Variants in UBAC2 observed in about 807,000 individuals in gnomAD.
UBAC2 encodes UBA domain containing 2, also known as ubiquitin-associated domain-containing protein 2.
A neutral mutation model predicts 44.0 loss-of-function variants in UBAC2; 26 were observed. The ratio of observed to expected loss-of-function variants is 0.59; its 90% CI spans 0.43 to 0.82. The LOEUF is 0.82. UBAC2 is among the 40% of genes least tolerant of loss of function. The pLI, the probability that UBAC2 is intolerant of heterozygous loss-of-function variation, is 0.00. For missense variants in UBAC2, 329 were observed against 419.4 expected (o/e 0.78, Z 1.88); for synonymous variants, 155 against 154.3 (o/e 1.00, Z -0.04).
intron 4 of UBAC2, among the ~76,000 whole-genome samples, chr13:99,306,224 A>G (rs899194415): frequency 3.9e-5 from 6 of 152,180 alleles, no homozygotes; most frequent in African/African-American, 1.4e-4. Context: ...TAAAATATCC[A>G]TAACATATCT....
chr13:99,263,940 T>G (rs2138649806), intron 4 of UBAC2, among the ~76,000 whole-genome samples: 1 of 152,288 alleles, frequency 6.6e-6, no homozygotes, highest in East Asian at 1.9e-4. Flanking sequence ...GCAGATGAAA[T>G]GAAAATACAG....
intron 8 of UBAC2, among the ~76,000 whole-genome samples, chr13:99,371,374 T>C (rs192085195): frequency 6.6e-6 from 1 of 152,346 alleles, no homozygotes; most frequent in Admixed American, 6.5e-5. Context: ...ATCCTGCAAA[T>C]AGCTGTTATA....
chr13:99,367,765 CTG>C lies in UBAC2; in HGVS notation c.808-16_808-15del, dbSNP rs1371430937. 3.1e-6 allele frequency: 5 copies of C among 1,613,788 alleles called. No homozygotes were observed. The highest frequency in any genetic ancestry group is 3.4e-6 in the Non-Finnish European group (4 of 1,179,850). On this transcript the variant is annotated intron_variant, in intron 7 of 8. Coordinates refer to ENST00000403766, the MANE Select transcript of UBAC2 (RefSeq NM_001144072.2). Reference sequence around the variant, plus strand: ...ATTCTGCTCCTTCTGTGTCTGATAACTGTGTGTTGATCTCTTTTTAGGGAGGA... The same window carrying C: ...ATTCTGCTCCTTCTGTGTCTGATAACTGTGTTGATCTCTTTTTAGGGAGGA...
At chr13:99,348,886 G>A (rs1017287046) in intron 7 of UBAC2, among the ~76,000 whole-genome samples, 2 of 152,182 alleles carry the variant, frequency 1.3e-5, no homozygotes, top group African/African-American at 4.8e-5. Context: ...GGTGGCCTGT[G>A]CCTGTAGTCC....
At position 99,280,326 on chromosome 13, in the gene UBAC2, C is replaced by A. The variant is rs572208338; in HGVS notation, c.390-33771C>A. 9.8e-5 allele frequency among the ~76,000 whole-genome samples: 15 copies of A among 152,330 alleles called. No individual in the cohort carries two copies. The South Asian group carries it at 3.1e-3, about 32-fold the overall frequency. On this transcript the variant is annotated intron_variant, in intron 4 of 8. Coordinates refer to ENST00000403766, the MANE Select transcript of UBAC2 (RefSeq NM_001144072.2). ...AGCTAAATTGCATTACTCACTACTG[C>A]CTGTCACGCATACATCATTACAGAT...
At chr13:99,286,984 G>A (rs1393545013) in intron 4 of UBAC2, among the ~76,000 whole-genome samples, 2 of 152,034 alleles carry the variant, frequency 1.3e-5, no homozygotes, top group Non-Finnish European at 2.9e-5. Context: ...AAGGGCATGT[G>A]TTAGAGAACA....
intron 4 of UBAC2, among the ~76,000 whole-genome samples, chr13:99,264,945 G>T (rs2043721136): frequency 6.7e-6 from 1 of 149,856 alleles, no homozygotes; most frequent in Admixed American, 6.7e-5. Context: ...GGTCACATTA[G>T]TTCCTGATCT....
intron 1 of UBAC2, among the ~76,000 whole-genome samples, chr13:99,229,186 T>C (rs1445800883): frequency 1.3e-5 from 2 of 152,144 alleles, no homozygotes; most frequent in Non-Finnish European, 2.9e-5. Flanking sequence ...CCCTGGCTGC[T>C]CATAGTAGTG....
chr13:99,255,430 A>G lies in UBAC2; in HGVS notation c.389+10806A>G, dbSNP rs997590727. On this transcript the variant is annotated intron_variant, in intron 4 of 8. Transcript: ENST00000403766. ...CAGAGGGGTGGTCGTGGTCAGGGTCATTATCCAGACTCCCACACACGCCAG... is the reference window on the plus strand; with the variant it reads ...CAGAGGGGTGGTCGTGGTCAGGGTCGTTATCCAGACTCCCACACACGCCAG... The G allele has an allele frequency of 6.2e-7, 1 of 1,614,058 alleles. No homozygotes were observed. The highest frequency in any genetic ancestry group is 8.5e-7 in the Non-Finnish European group (1 of 1,180,012).
In UBAC2 at chr13:99,355,743, A is replaced by G. The variant is rs377131740; in HGVS notation, c.808-12044A>G. Among the ~76,000 whole-genome samples the G allele has an allele frequency of 4.6e-5, 7 of 152,376 alleles. No homozygotes were observed. The East Asian group carries it at 5.8e-4, about 13-fold the overall frequency. ...GAGCCAGGACGCAGGCCTGTGGCTC[A>G]GCCCGCAGCGTGCTTGGTGCCACAA... On this transcript the variant is annotated intron_variant, in intron 7 of 8. Coordinates refer to ENST00000403766, the MANE Select transcript of UBAC2 (RefSeq NM_001144072.2).
intron 8 of UBAC2, among the ~76,000 whole-genome samples, chr13:99,382,122 A>T (rs776118847): frequency 1.4e-4 from 21 of 152,328 alleles, no homozygotes; most frequent in South Asian, 4.1e-4. Context: ...GACGTGTTTG[A>T]CATTTTCATC....
chr13:99,385,065 C>T (rs142983150), intron 8 of UBAC2, among the ~76,000 whole-genome samples, 163 bp from the exon 9 acceptor site: 7 of 152,284 alleles, frequency 4.6e-5, no homozygotes, highest in African/African-American at 1.7e-4. Context: ...AAAATTTGTA[C>T]CTGGTATAAC....
intron 1 of UBAC2, among the ~76,000 whole-genome samples, chr13:99,221,539 C>T (rs1473366547): frequency 6.6e-6 from 1 of 152,200 alleles, no homozygotes; most frequent in Non-Finnish European, 1.5e-5. Flanking sequence ...TACTCAGCCT[C>T]ACCTTTTATT....
At chr13:99,322,843 C>T (rs1003617740) in intron 6 of UBAC2, among the ~76,000 whole-genome samples, 1 of 152,158 alleles carries the variant, frequency 6.6e-6, no homozygotes, top group Non-Finnish European at 1.5e-5. Flanking sequence ...GATCATAGGA[C>T]AGGGGTAGGG....
chr13:99,288,504 T>C (rs2138701848), intron 4 of UBAC2, among the ~76,000 whole-genome samples: 1 of 152,352 alleles, frequency 6.6e-6, no homozygotes, highest in Admixed American at 6.5e-5. Context: ...AGCTTCTTCT[T>C]TCTAACAACT....
intron 1 of UBAC2, among the ~76,000 whole-genome samples, chr13:99,232,485 G>T (rs776541076): frequency 6.8e-6 from 1 of 147,492 alleles, no homozygotes; most frequent in Non-Finnish European, 1.5e-5. Flanking sequence ...CTTAAACTTC[G>T]CCCAGTGGGC....
intron 4 of UBAC2, among the ~76,000 whole-genome samples, chr13:99,263,802 A>G (rs1167004618): frequency 1.3e-5 from 2 of 152,236 alleles, no homozygotes; most frequent in Non-Finnish European, 2.9e-5. Context: ...GCAAGTCACA[A>G]TCACAATTGA....
intron 4 of UBAC2, among the ~76,000 whole-genome samples, chr13:99,305,125 A>C (rs2044313234): frequency 6.6e-6 from 1 of 152,180 alleles, no homozygotes; most frequent in African/African-American, 2.4e-5. Flanking sequence ...ATTTCGATTG[A>C]AAAAAGATGG....
chr13:99,375,400 G>A (rs963974967), intron 8 of UBAC2, among the ~76,000 whole-genome samples: 3 of 152,194 alleles, frequency 2.0e-5, no homozygotes, highest in Non-Finnish European at 2.9e-5. Context: ...GGCAGCTGGT[G>A]CCAACAGGTA....
Sources: allele counts gnomAD v4.1 joint callset (sites outside exome capture counted in the v4.1 genomes callset), GRCh38; gene constraint gnomAD v4.1.1; transcripts MANE v1.5; gene names NCBI Gene and HGNC (gene_info 2026-07-23, HGNC 2026-07-21).